Variants in RANBP17 observed in about 807,000 individuals in gnomAD.
RANBP17 encodes RAN binding protein 17.
In RANBP17, 158 loss-of-function variants were observed where a neutral mutation model predicts 141.2. The observed-to-expected ratio is 1.12, with a 90% CI of 0.98 to 1.28. RANBP17 has a LOEUF of 1.28. Among genes scored for constraint, RANBP17 ranks in the 50% most tolerant of loss-of-function variants. The probability of loss-of-function intolerance (pLI) is 0.00; values close to 1 mark genes in which losing one functional copy is unlikely to be tolerated. For synonymous variants in RANBP17, 430 were observed against 450.0 expected, an observed-to-expected ratio of 0.96 and a Z score of 0.56; for missense variants, 1,438 against 1,290.7, an observed-to-expected ratio of 1.11 and a Z score of -1.75.
intron 26 of RANBP17, among the ~76,000 whole-genome samples, chr5:171,295,474 AC>A (rs780238737): frequency 2.0e-5 from 3 of 152,016 alleles, no homozygotes; most frequent in Non-Finnish European, 4.4e-5. Flanking sequence ...CTGAGGAAAG[AC>A]CCTTGGCCTT....
chr5:171,049,481 T>C (rs60300043), intron 14 of RANBP17, among the ~76,000 whole-genome samples: 8,957 of 152,268 alleles, frequency 0.059, 689 homozygotes, highest in African/African-American at 0.17. Context: ...TAATTAGGTC[T>C]CATTTGACAA....
chr5:171,107,766 C>G (rs79533796), intron 14 of RANBP17, among the ~76,000 whole-genome samples: 1 of 152,104 alleles, frequency 6.6e-6, no homozygotes, highest in Non-Finnish European at 1.5e-5. Context: ...GGTTATCAGA[C>G]GCTTTCTTTG....
At chr5:171,101,077 T>C (rs757647894) in intron 14 of RANBP17, among the ~76,000 whole-genome samples, 1 of 152,204 alleles carries the variant, frequency 6.6e-6, no homozygotes, top group African/African-American at 2.4e-5. Flanking sequence ...GTATATTCTG[T>C]TGATTTGGGG....
chr5:171,088,652 T>G (rs1453937559), intron 14 of RANBP17, among the ~76,000 whole-genome samples: 1 of 152,174 alleles, frequency 6.6e-6, no homozygotes, highest in East Asian at 1.9e-4. Context: ...CTTGGAGGCT[T>G]TGCTCCTTTC....
At chr5:171,077,235 G>A (rs990229780) in intron 14 of RANBP17, among the ~76,000 whole-genome samples, 1 of 152,082 alleles carries the variant, frequency 6.6e-6, no homozygotes, top group African/African-American at 2.4e-5. Flanking sequence ...AGCTACTCGG[G>A]AAGCTGAGGC....
intron 14 of RANBP17, among the ~76,000 whole-genome samples, chr5:171,116,192 G>A (rs148605338): frequency 6.6e-6 from 1 of 152,106 alleles, no homozygotes; most frequent in African/African-American, 2.4e-5. Context: ...CTAATTTTTG[G>A]AAAATAAAAA....
chr5:171,215,690 A>G (rs1419019118), intron 21 of RANBP17, among the ~76,000 whole-genome samples: 1 of 152,056 alleles, frequency 6.6e-6, no homozygotes, highest in Non-Finnish European at 1.5e-5. Context: ...CTTGTTGGCC[A>G]CATAAATATC....
In RANBP17 at chr5:171,101,566, C is replaced by T. The variant is rs575595687; in HGVS notation, c.1711-68564C>T. ...ACTCTATCCAGTTTTCCGTCTGTGA[C>T]TTTTAATTTGGGCATTTAACCCATT... On this transcript the variant is annotated intron_variant, in intron 14 of 27. Coordinates refer to ENST00000523189, the MANE Select transcript of RANBP17 (RefSeq NM_022897.5). Among the ~76,000 whole-genome samples the T allele has an allele frequency of 2.0e-5, 3 of 152,280 alleles. No homozygotes were observed. In the South Asian group the frequency reaches 6.2e-4, roughly 32 times the overall value.
At chr5:171,096,950 G>A (rs1786740301) in intron 14 of RANBP17, among the ~76,000 whole-genome samples, 1 of 151,680 alleles carries the variant, frequency 6.6e-6, no homozygotes, top group South Asian at 2.1e-4. Context: ...GGATTATAAT[G>A]GTTTTGGTTG....
At chr5:170,956,090 A>G (rs931959351) in intron 13 of RANBP17, among the ~76,000 whole-genome samples, 3 of 151,466 alleles carry the variant, frequency 2.0e-5, no homozygotes, top group African/African-American at 7.3e-5. Flanking sequence ...ATATCTTGAT[A>G]TTTGGTTTCA....
rs530735085 is a variant in RANBP17 at position 170,969,184 on chromosome 5, T to A, written c.1710+807T>A. On this transcript the variant is annotated intron_variant, in intron 14 of 27. Coordinates refer to ENST00000523189, the MANE Select transcript of RANBP17 (RefSeq NM_022897.5). ...ATAATTGTGTAGTAGTGTGAAAAAA[T>A]TTTTTGTTTGATTTTAAGATTATCC... is the stretch of plus-strand genomic sequence containing the variant. 4.6e-5 allele frequency among the ~76,000 whole-genome samples: 7 copies of A among 151,960 alleles called. No individual in the cohort carries two copies. In the South Asian group the frequency reaches 8.3e-4, roughly 18 times the overall value.
rs1011620600 is a variant in RANBP17 at position 171,270,351 on chromosome 5, C to T, written c.2943+4504C>T. ...AATCTATTTGAAGTAAAAACAATTG[C>T]GTCACCAGCGTTGCTTTGACCTAAC... On this transcript the variant is annotated intron_variant, in intron 25 of 27. Transcript: ENST00000523189. Among the ~76,000 whole-genome samples, 6 of 152,204 alleles carry T rather than the reference C, an allele frequency of 3.9e-5. No individual in the cohort carries two copies. In the East Asian group the frequency reaches 9.6e-4, roughly 24 times the overall value.
chr5:171,190,544 G>GACCA (rs1761558228), intron 18 of RANBP17, among the ~76,000 whole-genome samples: 1 of 152,086 alleles, frequency 6.6e-6, no homozygotes, highest in Non-Finnish European at 1.5e-5. Flanking sequence ...AAAAATGGAT[G>GACCA]ACCAACCAGA....
chr5:170,946,883 A>G (rs1561918929), intron 12 of RANBP17, among the ~76,000 whole-genome samples: 1 of 152,224 alleles, frequency 6.6e-6, no homozygotes, highest in Non-Finnish European at 1.5e-5. Flanking sequence ...TAGATAGACC[A>G]TTAAAAACAT....
At chr5:170,956,249 A>G (rs938488449) in intron 13 of RANBP17, among the ~76,000 whole-genome samples, 10 of 151,860 alleles carry the variant, frequency 6.6e-5, no homozygotes, top group African/African-American at 2.4e-4. Flanking sequence ...ATATATTTTT[A>G]CCCTATTAAA....
chr5:171,205,435 C>T (rs1480162512), intron 19 of RANBP17, 89 bp from the exon 20 acceptor site: 3 of 1,033,550 alleles, frequency 2.9e-6, no homozygotes, highest in Non-Finnish European at 3.0e-6. Flanking sequence ...GAATCAAAAT[C>T]AGATATGTGG....
chr5:170,899,919 A>G (rs972918241), intron 5 of RANBP17, among the ~76,000 whole-genome samples: 17 of 152,190 alleles, frequency 1.1e-4, no homozygotes, highest in African/African-American at 3.4e-4. Context: ...TTGGCTTGCC[A>G]GTATTTTATT....
intron 13 of RANBP17, among the ~76,000 whole-genome samples, chr5:170,955,582 G>GCTCAGTCTGTGTGTA (rs1775588448): frequency 2.4e-5 from 1 of 41,672 alleles, no homozygotes; most frequent in African/African-American, 9.5e-5. Flanking sequence ...CAGTCTGTGT[G>GCTCAGTCTGTGTGTA]TATATATATA....
chr5:171,186,994 A>G (rs1365139317), intron 18 of RANBP17, among the ~76,000 whole-genome samples: 2 of 152,144 alleles, frequency 1.3e-5, no homozygotes, highest in Admixed American at 6.5e-5. Context: ...AGCTTTTGAC[A>G]TGTCTTTCTC....
Sources: allele counts gnomAD v4.1 joint callset (sites outside exome capture counted in the v4.1 genomes callset), GRCh38; gene constraint gnomAD v4.1.1; transcripts MANE v1.5; gene names NCBI Gene and HGNC (gene_info 2026-07-23, HGNC 2026-07-21).